SYT16: variants seen among roughly 807,000 people sequenced by gnomAD.
The protein encoded by SYT16 is synaptotagmin 16.
A neutral mutation model predicts 61.4 loss-of-function variants in SYT16; 42 were observed. The ratio of observed to expected loss-of-function variants is 0.68; its 90% confidence interval spans 0.53 to 0.89. SYT16 has a LOEUF of 0.89. SYT16 is among the 40% of genes least tolerant of loss of function. The pLI is 0.00. For missense variants in SYT16, 804 were observed against 807.3 expected (o/e 1.00, Z 0.05); for synonymous variants, 314 against 302.3 (o/e 1.04, Z -0.40).
In SYT16 at chr14:62,011,926, C is replaced by CACACATATAT. The variant is rs1555370087; in HGVS notation, c.523+15385_523+15386insCACATATATA. Among the ~76,000 whole-genome samples the CACACATATAT allele has an allele frequency of 1.0e-3, 134 of 132,820 alleles. 2 individuals carry two copies. The South Asian group carries it at 0.017, about 17-fold the overall frequency. 87.1% of individuals were successfully genotyped at this position (132,820 alleles called of 152,430 possible). On this transcript the variant is annotated intron_variant, in intron 3 of 7. Transcript: ENST00000683842. ...ACACATATATATACACACACACACA[C>CACACATATAT]ATATATATATATATATTTGATGCTG... is the stretch of plus-strand genomic sequence containing the variant.
chr14:62,041,406 T>C (rs2054725093), intron 3 of SYT16, among the ~76,000 whole-genome samples: 1 of 152,254 alleles, frequency 6.6e-6, no homozygotes. Flanking sequence ...GAATTTATTA[T>C]ATGCCTTGAT....
intron 1 of SYT16, among the ~76,000 whole-genome samples, chr14:61,885,997 C>A (rs995674755): frequency 5.5e-5 from 8 of 144,636 alleles, no homozygotes; most frequent in African/African-American, 1.3e-4. Flanking sequence ...CAGAGTCTTG[C>A]TCTGTCGCCC....
intron 1 of SYT16, among the ~76,000 whole-genome samples, chr14:61,882,227 CAAG>C (rs1293022316): frequency 1.3e-5 from 2 of 151,972 alleles, no homozygotes; most frequent in Non-Finnish European, 2.9e-5. Context: ...GGATAATAAA[CAAG>C]AGAGTACAGG....
intron 3 of SYT16, among the ~76,000 whole-genome samples, chr14:62,014,988 T>A (rs1387602308): frequency 6.6e-6 from 1 of 152,206 alleles, no homozygotes; most frequent in African/African-American, 2.4e-5. Flanking sequence ...TCGTGAAAAC[T>A]GTTCATCTTT....
intron 2 of SYT16, among the ~76,000 whole-genome samples, chr14:61,994,907 G>A: frequency 6.6e-6 from 1 of 152,138 alleles, no homozygotes; most frequent in East Asian, 1.9e-4. Context: ...AGAGACTAAG[G>A]GATAGCTAGT....
In SYT16 at chr14:61,856,065, A is replaced by G. The variant is rs9806069; in HGVS notation, c.-325+43255A>G. Reference sequence around the variant, plus strand: ...GATGGCGGGGGGTCAGTCCACCTGGAGCAGAGCGAGTGGAAGGGAGTGCAG... The same window carrying G: ...GATGGCGGGGGGTCAGTCCACCTGGGGCAGAGCGAGTGGAAGGGAGTGCAG... On this transcript the variant is annotated intron_variant, in intron 1 of 7. Transcript: ENST00000683842. 2.2e-3 allele frequency among the ~76,000 whole-genome samples: 331 copies of G among 152,340 alleles called. 1 individual carries two copies. Among genetic ancestry groups the G allele is most frequent in the African/African-American group, 7.8e-3 (326 of 41,586 alleles).
At chr14:62,078,105 T>C (rs574120164) in intron 5 of SYT16, among the ~76,000 whole-genome samples, 40 of 109,538 alleles carry the variant, frequency 3.7e-4, no homozygotes, top group Non-Finnish European at 6.5e-4. Context: ...CTTGTGCGCT[T>C]GCTCTCTCTC....
intron 1 of SYT16, among the ~76,000 whole-genome samples, chr14:61,959,630 T>C (rs532889148): frequency 6.6e-6 from 1 of 152,344 alleles, no homozygotes; most frequent in South Asian, 2.1e-4. Context: ...ATCTTTTCTT[T>C]TAATTTACAT....
intron 1 of SYT16, among the ~76,000 whole-genome samples, chr14:61,952,132 ATTT>A: frequency 6.9e-6 from 1 of 145,006 alleles, no homozygotes; most frequent in South Asian, 2.2e-4. Flanking sequence ...ATTCATGCTG[ATTT>A]TTTTTTTTTT....
chr14:62,074,545 G>A (rs947202459), intron 4 of SYT16, among the ~76,000 whole-genome samples: 1 of 152,170 alleles, frequency 6.6e-6, no homozygotes, highest in African/African-American at 2.4e-5. Flanking sequence ...TGTCCACAGT[G>A]ACCCTCTGAT....
In SYT16 at chr14:62,004,250, CAGAG is replaced by C. The variant is rs769924676; in HGVS notation, c.523+7717_523+7720del. 7.2e-5 allele frequency among the ~76,000 whole-genome samples: 11 copies of C among 151,966 alleles called. No homozygotes were observed. The East Asian group carries it at 1.9e-3, about 27-fold the overall frequency. On this transcript the variant is annotated intron_variant, in intron 3 of 7. Coordinates refer to ENST00000683842, the MANE Select transcript of SYT16 (RefSeq NM_001367656.1). Reference sequence around the variant, plus strand: ...CATGGCAACAGGAGAGACAGAGAGACAGAGAGAGAGAGCGCACAAGCGAGAGTGA... The same window carrying C: ...CATGGCAACAGGAGAGACAGAGAGACAGAGAGAGCGCACAAGCGAGAGTGA...
intron 1 of SYT16, among the ~76,000 whole-genome samples, chr14:61,958,573 T>G (rs2050978488): frequency 6.6e-6 from 1 of 152,084 alleles, no homozygotes; most frequent in Non-Finnish European, 1.5e-5. Context: ...ATTTCCCATT[T>G]TTTCTGTTAT....
intron 1 of SYT16, among the ~76,000 whole-genome samples, chr14:61,900,598 A>C (rs2048478664): frequency 1.5e-5 from 1 of 65,988 alleles, no homozygotes; most frequent in South Asian, 1.0e-3. Context: ...AAGAGAACTT[A>C]CTGGAACAAT....
rs145334886 is a variant in SYT16, at chr14:61,972,601, G to A, written c.-145+2290G>A. On this transcript the variant is annotated intron_variant, in intron 2 of 7. Coordinates refer to ENST00000683842, the MANE Select transcript of SYT16 (RefSeq NM_001367656.1). The stretch of plus-strand genomic sequence containing the variant: ...TTCTCCTTTTACAAGTTTAATTATT[G>A]TTATCAAAAGTCTTTGAAAAACGTG... 7.6e-3 allele frequency among the ~76,000 whole-genome samples: 1,164 copies of A among 152,190 alleles called. 9 individuals are homozygous for A. Among genetic ancestry groups the A allele is most frequent in the Middle Eastern group, 0.017 (5 of 294 alleles).
intron 1 of SYT16, among the ~76,000 whole-genome samples, chr14:61,941,083 G>C (rs1179887935): frequency 1.3e-5 from 2 of 152,154 alleles, no homozygotes; most frequent in African/African-American, 4.8e-5. Context: ...GAGGGGTAGT[G>C]CTCCTTTTGT....
intron 1 of SYT16, among the ~76,000 whole-genome samples, chr14:61,879,981 A>G (rs1393643654): frequency 6.6e-6 from 1 of 152,174 alleles, no homozygotes; most frequent in Non-Finnish European, 1.5e-5. Context: ...ATTCACTGAA[A>G]AGATAAAAGT....
chr14:61,973,266 G>T (rs184646962), intron 2 of SYT16, among the ~76,000 whole-genome samples: 2 of 152,102 alleles, frequency 1.3e-5, no homozygotes, highest in East Asian at 3.9e-4. Flanking sequence ...ATGCCATTCT[G>T]TCTGGATTTA....
intron 1 of SYT16, among the ~76,000 whole-genome samples, chr14:61,823,574 C>CAAAAAAAAAAAAAA (rs55935256): frequency 9.9e-5 from 7 of 71,012 alleles, no homozygotes; most frequent in East Asian, 4.7e-4. Context: ...ACTAAAAATA[C>CAAAAAAAAAAAAAA]AAAAAAAAAA....
At chr14:61,901,760 ATAAT>A (rs2048525416) in intron 1 of SYT16, among the ~76,000 whole-genome samples, 1 of 138,578 alleles carries the variant, frequency 7.2e-6, no homozygotes, top group South Asian at 2.2e-4. Context: ...AATAATAATA[ATAAT>A]TATTATTATT....
Sources: allele counts gnomAD v4.1 joint callset (sites outside exome capture counted in the v4.1 genomes callset), GRCh38; gene constraint gnomAD v4.1.1; transcripts MANE v1.5; gene names NCBI Gene and HGNC (gene_info 2026-07-23, HGNC 2026-07-21).